Variants in NTN1 observed in about 807,000 individuals in gnomAD.
The protein encoded by NTN1 is netrin 1.
A neutral mutation model predicts 54.2 loss-of-function variants in NTN1; 11 were observed. The observed-to-expected ratio is 0.20, with a 90% CI of 0.13 to 0.34. The LOEUF (loss-of-function observed/expected upper bound fraction) is 0.34, where lower values mean the gene tolerates loss of function less well. NTN1 is among the 10% of genes least tolerant of loss of function. The probability of loss-of-function intolerance (pLI) is 1.00; values close to 1 mark genes in which losing one functional copy is unlikely to be tolerated. For missense variants in NTN1, 740 were observed against 893.1 expected (o/e 0.83, Z 2.18); for synonymous variants, 371 against 382.0 (o/e 0.97, Z 0.33).
chr17:9,204,212 CTTCCTTCCTTTT>C (rs1211929603), intron 5 of NTN1, among the ~76,000 whole-genome samples: 1 of 151,250 alleles, frequency 6.6e-6, no homozygotes, highest in East Asian at 1.9e-4. Context: ...TCCTTCCTTC[CTTCCTTCCTTTT>C]CTTTCTCTTC....
At chr17:9,114,162 AAAAAATATATAT>A (rs2092202342) in intron 2 of NTN1, among the ~76,000 whole-genome samples, 1 of 84,266 alleles carries the variant, frequency 1.2e-5, no homozygotes, top group Non-Finnish European at 2.4e-5. Flanking sequence ...AGAAAAAAAA[AAAAAATATATAT>A]ATATATATAT....
At chr17:9,144,373 C>A (rs1343856531) in intron 2 of NTN1, among the ~76,000 whole-genome samples, 3 of 152,102 alleles carry the variant, frequency 2.0e-5, no homozygotes, top group Non-Finnish European at 4.4e-5. Context: ...GACAGCTGGG[C>A]ACCATTACTG....
rs752353419 is a variant in NTN1 at position 9,221,152 on chromosome 17, C to CG, written c.1412-16_1412-15insG. 7.8e-6 allele frequency: 12 copies of CG among 1,542,824 alleles called. No homozygotes were observed. The highest frequency in any genetic ancestry group is 2.2e-5 in the South Asian group (2 of 89,334). ...TAATTAGTTTTTGTCTGTGCTCCCC[C>CG]CCCACCCCCCTGCAGACTGCGATTC... On this transcript the variant is annotated splice_polypyrimidine_tract_variant and intron_variant, in intron 5 of 6. Transcript: ENST00000173229. The surrounding 1 kb of genome is among the most constrained non-coding windows in gnomAD (Gnocchi z 4.5).
intron 5 of NTN1, among the ~76,000 whole-genome samples, chr17:9,197,157 C>CATCCG (rs1379329117): frequency 1.3e-5 from 2 of 151,982 alleles, no homozygotes; most frequent in African/African-American, 4.8e-5. Context: ...AGAGATAGGT[C>CATCCG]ATCCGATCGG....
chr17:9,134,425 T>C (rs2092275038), intron 2 of NTN1, among the ~76,000 whole-genome samples: 1 of 152,162 alleles, frequency 6.6e-6, no homozygotes, highest in Admixed American at 6.6e-5. Flanking sequence ...GCTGCCTCTC[T>C]CTGGACCTCA....
At chr17:9,195,985 G>A (rs1221174455) in intron 5 of NTN1, among the ~76,000 whole-genome samples, 1 of 152,104 alleles carries the variant, frequency 6.6e-6, no homozygotes, top group Non-Finnish European at 1.5e-5. Context: ...GTTAGTCCTG[G>A]AGCCAGTCTT....
chr17:9,119,558 G>T (rs185872518), intron 2 of NTN1, among the ~76,000 whole-genome samples: 143 of 152,096 alleles, frequency 9.4e-4, no homozygotes, highest in African/African-American at 3.3e-3. Flanking sequence ...GAGTGCAGTG[G>T]TGCAGTCATG....
intron 2 of NTN1, among the ~76,000 whole-genome samples, chr17:9,119,712 G>T (rs1467581873): frequency 6.6e-6 from 1 of 152,034 alleles, no homozygotes; most frequent in Non-Finnish European, 1.5e-5. Context: ...TGCCCAGGCT[G>T]GTCTCGAACT....
intron 2 of NTN1, among the ~76,000 whole-genome samples, chr17:9,131,053 C>T (rs150785388): frequency 1.5e-4 from 23 of 152,202 alleles, no homozygotes; most frequent in African/African-American, 3.9e-4. Flanking sequence ...TGCTCTTTCT[C>T]CGCTCTGCCA....
chr17:9,139,819 A>G (rs2092292091), intron 2 of NTN1, among the ~76,000 whole-genome samples: 1 of 152,028 alleles, frequency 6.6e-6, no homozygotes, highest in Non-Finnish European at 1.5e-5. Flanking sequence ...ACACCTATCC[A>G]TCCTTCCATC....
intron 5 of NTN1, among the ~76,000 whole-genome samples, chr17:9,184,256 A>G (rs1230807517): frequency 6.6e-6 from 1 of 152,184 alleles, no homozygotes; most frequent in Admixed American, 6.5e-5. Flanking sequence ...AGCCAAAGAC[A>G]GTTGAGTCTT....
chr17:9,155,140 T>C (rs1249266829), intron 2 of NTN1, among the ~76,000 whole-genome samples: 1 of 152,178 alleles, frequency 6.6e-6, no homozygotes, highest in Non-Finnish European at 1.5e-5. Context: ...TGAGTGTTAG[T>C]CTTGACAGCT....
At chr17:9,204,193 C>CTCCCTCCTTCCT (rs1555576115) in intron 5 of NTN1, among the ~76,000 whole-genome samples, 1 of 147,046 alleles carries the variant, frequency 6.8e-6, no homozygotes, top group African/African-American at 2.6e-5. Context: ...CCTTCCTTCC[C>CTCCCTCCTTCCT]TCCTTCCTTC....
At chr17:9,148,664 G>A (rs920544892) in intron 2 of NTN1, among the ~76,000 whole-genome samples, 10 of 152,064 alleles carry the variant, frequency 6.6e-5, no homozygotes, top group African/African-American at 2.4e-4. Context: ...AAGGCGTTTT[G>A]GTGTTGTCCT....
the NTN1 span, among the ~76,000 whole-genome samples, chr17:9,004,526 A>G: frequency 1.8e-4 from 27 of 152,280 alleles, no homozygotes; most frequent in Non-Finnish European, 3.7e-4. Context: ...TTGGGCACGT[A>G]CGGCCTACGG....
At chr17:9,196,200 G>A (rs1196973565) in intron 5 of NTN1, among the ~76,000 whole-genome samples, 2 of 152,222 alleles carry the variant, frequency 1.3e-5, no homozygotes. Context: ...GGGCAATGGG[G>A]GGCTGCCTGG....
intron 2 of NTN1, among the ~76,000 whole-genome samples, chr17:9,097,442 GTGAAACC>G (rs1328515732): frequency 9.2e-5 from 14 of 152,252 alleles, no homozygotes; most frequent in African/African-American, 3.4e-4. Context: ...GGCCAACATG[GTGAAACC>G]TCATCTCTAC....
At chr17:9,229,081 TGTGTGTGTGACTGAGACTGTGACTGTGA>T (rs1905713120) in intron 6 of NTN1, among the ~76,000 whole-genome samples, 1 of 5,500 alleles carries the variant, frequency 1.8e-4, no homozygotes, top group Non-Finnish European at 3.0e-4. Flanking sequence ...TGTTTGTGAC[TGTGTGTGTGACTGAGACTGTGACTGTGA>T]GTGTGTGACT....
At chr17:9,178,145 C>T (rs547784806) in intron 3 of NTN1, among the ~76,000 whole-genome samples, 6 of 152,236 alleles carry the variant, frequency 3.9e-5, no homozygotes, top group South Asian at 2.1e-4. Flanking sequence ...TGCAGTGAGC[C>T]GAGATTACGC....
Sources: gnomAD v4.1 joint callset for allele counts (sites outside exome capture counted in the v4.1 genomes callset) on GRCh38, gnomAD v4.1.1 for gene constraint, Gnocchi (gnomAD v3.1) non-coding constraint, MANE v1.5 for transcripts, NCBI Gene and HGNC (gene_info 2026-07-23, HGNC 2026-07-21) for gene names.